DNAAF11: variants seen among roughly 807,000 people sequenced by gnomAD.
The protein encoded by DNAAF11 is dynein axonemal assembly factor 11.
Under a neutral mutation model 60.8 loss-of-function variants are expected in DNAAF11, and 45 were observed. The ratio of observed to expected loss-of-function variants is 0.74; its 90% CI spans 0.58 to 0.95. The LOEUF is 0.95. DNAAF11 is among the 40% of genes least tolerant of loss of function. The pLI is 0.00. For synonymous variants in DNAAF11, 191 were observed against 183.5 expected (o/e 1.04, Z -0.33); for missense variants, 546 against 546.2 (o/e 1.00, Z 0.00).
chr8:132,657,441 T>C (rs900730821), intron 2 of DNAAF11, among the ~76,000 whole-genome samples: 2 of 152,210 alleles, frequency 1.3e-5, no homozygotes, highest in Non-Finnish European at 2.9e-5. Context: ...GGACAAAGCC[T>C]GAGAGCTGGT....
At chr8:132,616,182 AG>A (rs1819130623) in intron 7 of DNAAF11, among the ~76,000 whole-genome samples, 1 of 152,070 alleles carries the variant, frequency 6.6e-6, no homozygotes, top group Non-Finnish European at 1.5e-5. Flanking sequence ...GGTTTTAACT[AG>A]GGGCATGGCT....
chr8:132,683,202 A>G, the DNAAF11 span, among the ~76,000 whole-genome samples: 1 of 152,338 alleles, frequency 6.6e-6, no homozygotes, highest in African/African-American at 2.4e-5. Context: ...GCAGGGGTCA[A>G]TGACCATGAG....
chr8:132,652,117 TA>T (rs781150612), intron 3 of DNAAF11, among the ~76,000 whole-genome samples: 12 of 152,356 alleles, frequency 7.9e-5, no homozygotes, highest in Non-Finnish European at 1.5e-4. Flanking sequence ...TAATTTCAGC[TA>T]TTAGCAGATG....
At chr8:132,598,062 C>T (rs1281335077) in intron 10 of DNAAF11, among the ~76,000 whole-genome samples, 1 of 152,110 alleles carries the variant, frequency 6.6e-6, no homozygotes, top group Non-Finnish European at 1.5e-5. Context: ...TGGAAACATA[C>T]CCTATGATTT....
intron 10 of DNAAF11, among the ~76,000 whole-genome samples, chr8:132,593,237 A>T (rs1475204108): frequency 6.6e-6 from 1 of 150,900 alleles, no homozygotes; most frequent in Non-Finnish European, 1.5e-5. Context: ...AAGTGTTCCA[A>T]ACTTCCTATT....
the DNAAF11 span, among the ~76,000 whole-genome samples, chr8:132,695,249 G>A: frequency 6.6e-6 from 1 of 152,168 alleles, no homozygotes; most frequent in Non-Finnish European, 1.5e-5. Context: ...GAATGGAGGA[G>A]GGGAATTGTT....
chr8:132,594,312 TAAGGCC>T, intron 10 of DNAAF11, among the ~76,000 whole-genome samples: 1 of 152,302 alleles, frequency 6.6e-6, no homozygotes, highest in African/African-American at 2.4e-5. Context: ...ATTTAACAAA[TAAGGCC>T]ATTTCATACA....
At chr8:132,701,849 CAT>C in the DNAAF11 span, among the ~76,000 whole-genome samples, 42 of 152,266 alleles carry the variant, frequency 2.8e-4, no homozygotes, top group South Asian at 8.5e-3. Context: ...GCAATGGCCA[CAT>C]GATTGACCCC....
chr8:132,686,165 C>G, the DNAAF11 span, among the ~76,000 whole-genome samples: 1 of 151,992 alleles, frequency 6.6e-6, no homozygotes, highest in Non-Finnish European at 1.5e-5. Context: ...CATCTCTGAA[C>G]GGATGACAAT....
At chr8:132,594,793 A>T (rs1816817384) in intron 10 of DNAAF11, among the ~76,000 whole-genome samples, 1 of 152,020 alleles carries the variant, frequency 6.6e-6, no homozygotes, top group African/African-American at 2.4e-5. Flanking sequence ...AGCCATGCAG[A>T]ACTTTGAGTC....
At chr8:132,681,003 CTTTTTTTT>C in the DNAAF11 span, among the ~76,000 whole-genome samples, 14 of 52,338 alleles carry the variant, frequency 2.7e-4, 1 homozygote, top group South Asian at 9.4e-4. Flanking sequence ...ATAACTATTC[CTTTTTTTT>C]TTTTTTTTTT....
intron 8 of DNAAF11, among the ~76,000 whole-genome samples, chr8:132,613,795 AC>A (rs1818889528): frequency 6.6e-6 from 1 of 152,146 alleles, no homozygotes; most frequent in African/African-American, 2.4e-5. Flanking sequence ...TGGAAAAGTT[AC>A]CCCCTCTTGG....
chr8:132,700,343 C>T, the DNAAF11 span, among the ~76,000 whole-genome samples: 4 of 152,010 alleles, frequency 2.6e-5, no homozygotes. Context: ...TGGTCATGGC[C>T]TTCCTCTCAT....
chr8:132,626,451 T>C (rs929943535), intron 5 of DNAAF11, among the ~76,000 whole-genome samples: 1 of 152,228 alleles, frequency 6.6e-6, no homozygotes, highest in African/African-American at 2.4e-5. Flanking sequence ...CTTTTATTCA[T>C]GTTTTGTGGA....
chr8:132,617,827 C>T (rs1381609997), intron 7 of DNAAF11, among the ~76,000 whole-genome samples: 1 of 151,188 alleles, frequency 6.6e-6, no homozygotes, highest in African/African-American at 2.4e-5. Flanking sequence ...ACATTCCATG[C>T]TCATGGGTAG....
At chr8:132,608,524 T>C (rs1270186578) in intron 10 of DNAAF11, 6 of 442,130 alleles carry the variant, frequency 1.4e-5, no homozygotes, top group South Asian at 3.2e-5. Flanking sequence ...ACAGTGACAG[T>C]AGAGCTTTTC....
chr8:132,657,816 T>C (rs1158223433), intron 2 of DNAAF11, among the ~76,000 whole-genome samples: 2 of 152,178 alleles, frequency 1.3e-5, no homozygotes, highest in Non-Finnish European at 2.9e-5. Context: ...GTCAAAACTA[T>C]TGTCTCCTTT....
chr8:132,577,231 G>C (rs1814843338), intron 11 of DNAAF11, among the ~76,000 whole-genome samples: 1 of 152,132 alleles, frequency 6.6e-6, no homozygotes, highest in Non-Finnish European at 1.5e-5. Context: ...TGAAACTCTA[G>C]AGTTCATCTG....
At chr8:132,616,259 C>A (rs563429416) in intron 7 of DNAAF11, among the ~76,000 whole-genome samples, 1 of 152,072 alleles carries the variant, frequency 6.6e-6, no homozygotes, top group East Asian at 1.9e-4. Context: ...GAGGGACAGT[C>A]GTTGTATGGC....
Sources: gnomAD v4.1 joint callset for allele counts (sites outside exome capture counted in the v4.1 genomes callset) on GRCh38, gnomAD v4.1.1 for gene constraint, MANE v1.5 for transcripts, NCBI Gene and HGNC (gene_info 2026-07-23, HGNC 2026-07-21) for gene names.